Variants in AFMID observed in about 807,000 individuals in gnomAD.
The protein encoded by AFMID is kynurenine formamidase.
Under a neutral mutation model 47.5 loss-of-function variants are expected in AFMID, and 39 were observed. The observed-to-expected ratio is 0.82, with a 90% CI of 0.64 to 1.07. AFMID has a LOEUF of 1.07. AFMID is among the 50% of genes least tolerant of loss of function. The pLI, the probability that AFMID is intolerant of heterozygous loss-of-function variation, is 0.00. For synonymous variants in AFMID, 130 were observed against 153.2 expected, an observed-to-expected ratio of 0.85 and a Z score of 1.12; for missense variants, 375 against 387.5, an observed-to-expected ratio of 0.97 and a Z score of 0.27.
chr17:78,189,136 T>A (rs1326358018), intron 1 of AFMID, among the ~76,000 whole-genome samples: 1 of 151,884 alleles, frequency 6.6e-6, no homozygotes, highest in Non-Finnish European at 1.5e-5. Flanking sequence ...GCATTTGACC[T>A]CAGGCCTTGC....
chr17:78,188,371 T>C (rs1431462807), intron 1 of AFMID, among the ~76,000 whole-genome samples: 1 of 152,148 alleles, frequency 6.6e-6, no homozygotes, highest in East Asian at 1.9e-4. Context: ...CTGACTGGCT[T>C]GCTTTATTTT....
At chr17:78,202,080 A>G (rs546982213) in intron 2 of AFMID, among the ~76,000 whole-genome samples, 1 of 151,820 alleles carries the variant, frequency 6.6e-6, no homozygotes, top group East Asian at 1.9e-4. Context: ...TCAACACGCC[A>G]ACTTAAGGGA....
intron 7 of AFMID, 32 bp from the exon 8 acceptor site, chr17:78,205,408 C>G: frequency 3.1e-6 from 5 of 1,611,750 alleles, no homozygotes; most frequent in Non-Finnish European, 4.2e-6. Flanking sequence ...CCGCCTGGAG[C>G]CTGGCCCTGT....
chr17:78,204,019 GT>G (rs1347395407), intron 4 of AFMID: 2 of 71,548 alleles, frequency 2.8e-5, no homozygotes, highest in African/African-American at 1.3e-4. Flanking sequence ...GCGAGACTCT[GT>G]CTCAAAAAAA....
intron 2 of AFMID, among the ~76,000 whole-genome samples, chr17:78,200,685 C>T (rs978863450): frequency 6.6e-6 from 1 of 152,102 alleles, no homozygotes; most frequent in Non-Finnish European, 1.5e-5. Flanking sequence ...CTGCAGGAGG[C>T]AAAAGAGGCA....
intron 2 of AFMID, among the ~76,000 whole-genome samples, chr17:78,198,845 C>T (rs1353295406): frequency 6.6e-6 from 1 of 151,684 alleles, no homozygotes; most frequent in East Asian, 1.9e-4. Context: ...ACCAAAACCA[C>T]ACAAGGCTTT....
At chr17:78,197,279 G>A (rs965456452) in intron 2 of AFMID, 27 of 1,418,146 alleles carry the variant, frequency 1.9e-5, no homozygotes, top group Non-Finnish European at 2.6e-5. Context: ...AGCCGGCAAT[G>A]GCCTCACAGT....
rs1040856884 is a variant in AFMID, at chr17:78,201,762, G to A, written c.155-737G>A. ...TCTTTTTTTTTTGAGTTGGCGTCTC[G>A]CTCTGTCCCCCAGGCTAGAGTGCAG... On this transcript the variant is annotated intron_variant, in intron 2 of 10. Coordinates refer to ENST00000409257, the MANE Select transcript of AFMID (RefSeq NM_001010982.5). Among the ~76,000 whole-genome samples, 19 of 151,842 alleles carry A rather than the reference G, an allele frequency of 1.3e-4. No individual in the cohort carries two copies. The East Asian group carries it at 2.3e-3, about 19-fold the overall frequency.
chr17:78,205,626 C>G lies in AFMID; in HGVS notation c.668C>G (p.Pro223Arg). The change falls in exon 9 of 11, where the codon CCC becomes CGC. Residue 223 changes from proline to arginine, a missense_variant. By Grantham distance (103) the Pro-to-Arg change is moderately radical. Transcript: ENST00000409257. ...AGGGAGGACGCTCAGAGGAATAGCCCCCAGCTGAAGGTGGCCCAGGCACAG... is the reference window on the plus strand; with the variant it reads ...AGGGAGGACGCTCAGAGGAATAGCCGCCAGCTGAAGGTGGCCCAGGCACAG... ...LTLEDAQRNS[P>R]QLKVAQAQPV... 6.2e-7 allele frequency: 1 copy of G among 1,613,856 alleles called. No homozygotes were observed. Among genetic ancestry groups the G allele is most frequent in the Non-Finnish European group, 8.5e-7 (1 of 1,179,824 alleles).
At position 78,204,730 on chromosome 17, in the gene AFMID, T is replaced by C; in HGVS notation, c.383T>C (p.Ile128Thr). ...GCCGTGGTAATAGTGGCTTACGGCA[T>C]CGCCCCCAAAGGTAATAGGAGTGGT... ...GVAVVIVAYG[I>T]APKGTLDHMV... The change falls in exon 5 of 11, where the codon ATC (isoleucine) becomes ACC (threonine). Residue 128 changes from isoleucine to threonine, a missense_variant. Physicochemically the swap from Ile to Thr is moderately conservative, Grantham distance 89. Transcript: ENST00000409257. 1 of 1,614,170 alleles carries C rather than the reference T, an allele frequency of 6.2e-7. No individual in the cohort carries two copies. Among genetic ancestry groups the C allele is most frequent in the South Asian group, 1.1e-5 (1 of 91,080 alleles).
intron 1 of AFMID, among the ~76,000 whole-genome samples, chr17:78,190,354 C>G (rs904125914): frequency 6.6e-6 from 1 of 152,110 alleles, no homozygotes; most frequent in Non-Finnish European, 1.5e-5. Context: ...GCAGTGACCT[C>G]CTGTGGTCAG....
Position 78,205,653 on chromosome 17 carries a change from C to G in AFMID, c.695C>G (p.Pro232Arg). 1 of 1,613,814 alleles carries G rather than the reference C, an allele frequency of 6.2e-7. No individual in the cohort carries two copies. The highest frequency in any genetic ancestry group is 8.5e-7 in the Non-Finnish European group (1 of 1,179,978). The change falls in exon 9 of 11, where the codon CCG becomes CGG. Residue 232 changes from proline (P) to arginine (R), a missense_variant. By Grantham distance (103) the Pro-to-Arg change is moderately radical. Transcript: ENST00000409257. ...CAGCTGAAGGTGGCCCAGGCACAGC[C>G]GGTGGACCCCACCTGCCGTGTGCTG... is the stretch of plus-strand genomic sequence containing the variant. ...SPQLKVAQAQPVDPTCRVLVV... is the reference protein window; with the variant it reads ...SPQLKVAQAQRVDPTCRVLVV...
In AFMID at chr17:78,207,116, G is replaced by A. The variant is rs2076402985; in HGVS notation, c.*179G>A. The A allele has an allele frequency of 1.0e-5, 7 of 687,040 alleles. No homozygotes were observed. Among genetic ancestry groups the A allele is most frequent in the African/African-American group, 1.8e-5 (1 of 55,380 alleles). The allele number at this position is 687,040 out of a possible 1,614,324, so 42.6% of individuals were successfully genotyped here. A position where few individuals can be genotyped will look rare whatever the true frequency, so the allele number is the denominator to read the frequency against. On this transcript the variant is annotated 3_prime_UTR_variant, in exon 11 of 11. Coordinates refer to ENST00000409257, the MANE Select transcript of AFMID (RefSeq NM_001010982.5). ...CTGGGACACTCATGAAAATCTCCACGTCCTCCCTCTTCCCAGCCTGGATGG... is the reference window on the plus strand; with the variant it reads ...CTGGGACACTCATGAAAATCTCCACATCCTCCCTCTTCCCAGCCTGGATGG...
chr17:78,206,107 C>T, intron 10 of AFMID, 57 bp downstream of exon 10: 2 of 1,485,252 alleles, frequency 1.3e-6, no homozygotes, highest in Non-Finnish European at 9.4e-7. Context: ...CCTGTCGCAG[C>T]CCCTTAGATG....
intron 2 of AFMID, among the ~76,000 whole-genome samples, chr17:78,193,991 A>T (rs2145853683): frequency 6.6e-6 from 1 of 151,632 alleles, no homozygotes; most frequent in East Asian, 1.9e-4. Flanking sequence ...AAAAAAAAAA[A>T]ATTTAAAAAT....
At chr17:78,206,599 GTCTC>G (rs1233880189) in intron 10 of AFMID, among the ~76,000 whole-genome samples, 1 of 151,854 alleles carries the variant, frequency 6.6e-6, no homozygotes, top group African/African-American at 2.4e-5. Flanking sequence ...TAGAGATGGG[GTCTC>G]TCTATGTTCC....
intron 2 of AFMID, among the ~76,000 whole-genome samples, chr17:78,195,183 A>T (rs1321530860): frequency 6.9e-6 from 1 of 145,400 alleles, no homozygotes; most frequent in Non-Finnish European, 1.5e-5. Flanking sequence ...TAAAGGGGAC[A>T]GTTTCTTTCT....
At chr17:78,190,198 G>C (rs1407090573) in intron 1 of AFMID, among the ~76,000 whole-genome samples, 1 of 151,300 alleles carries the variant, frequency 6.6e-6, no homozygotes, top group African/African-American at 2.4e-5. Context: ...TCTGCATAAA[G>C]TGTGAAGGTG....
At chr17:78,201,727 G>T (rs925195585) in intron 2 of AFMID, among the ~76,000 whole-genome samples, 4 of 152,060 alleles carry the variant, frequency 2.6e-5, no homozygotes, top group Non-Finnish European at 4.4e-5. Context: ...ACAGACGTCA[G>T]GACTGGCAGT....
Sources: allele counts gnomAD v4.1 joint callset (sites outside exome capture counted in the v4.1 genomes callset), GRCh38; gene constraint gnomAD v4.1.1; transcripts MANE v1.5; gene names NCBI Gene and HGNC (gene_info 2026-07-23, HGNC 2026-07-21).